DNAH14: variants seen among roughly 807,000 people sequenced by gnomAD.
DNAH14 encodes axonemal beta dynein heavy chain 14.
Under a neutral mutation model 520.9 loss-of-function variants are expected in DNAH14, and 478 were observed. The ratio of observed to expected loss-of-function variants is 0.92; its 90% CI spans 0.85 to 0.99. The LOEUF is 0.99. DNAH14 is among the 50% of genes least tolerant of loss of function. The probability of loss-of-function intolerance (pLI) is 0.00; values close to 1 mark genes in which losing one functional copy is unlikely to be tolerated. For missense variants in DNAH14, 4,831 were observed against 5,234.5 expected, an observed-to-expected ratio of 0.92 and a Z score of 2.38; for synonymous variants, 1,581 against 1,757.2, an observed-to-expected ratio of 0.90 and a Z score of 2.51.
At position 225,078,820 on chromosome 1, in the gene DNAH14, CTCT is replaced by C. The variant is rs1196446165; in HGVS notation, c.2425-386_2425-384del. ...TCTCTCTCTCTCTCTCTCTCTCTCTCTCTCCCTCTCTCTCTCTCTCTCCCTCTC... is the reference window on the plus strand; with the variant it reads ...TCTCTCTCTCTCTCTCTCTCTCTCTCCCCTCTCTCTCTCTCTCTCCCTCTC... On this transcript the variant is annotated intron_variant, in intron 17 of 85. Coordinates refer to ENST00000682510, the MANE Select transcript of DNAH14 (RefSeq NM_001367479.1). Among the ~76,000 whole-genome samples the C allele has an allele frequency of 4.0e-4, 28 of 69,594 alleles. No homozygotes were observed. In the East Asian group the frequency reaches 6.9e-3, roughly 17 times the overall value. 45.7% of individuals were successfully genotyped at this position (69,594 alleles called of 152,430 possible). A position where few individuals can be genotyped will look rare whatever the true frequency, so the allele number is the denominator to read the frequency against.
chr1:224,980,713 A>G (rs1376284818), intron 8 of DNAH14, among the ~76,000 whole-genome samples: 1 of 152,166 alleles, frequency 6.6e-6, no homozygotes, highest in Non-Finnish European at 1.5e-5. Context: ...CCAGAAGGAC[A>G]CAAGCCTGGC....
intron 43 of DNAH14, among the ~76,000 whole-genome samples, chr1:225,248,175 T>C (rs2092390131): frequency 6.6e-6 from 1 of 152,150 alleles, no homozygotes; most frequent in Non-Finnish European, 1.5e-5. Context: ...TTCGGACATA[T>C]GAAGACTGAA....
rs1244561107 is a variant in DNAH14, at chr1:225,377,379, T to G, written c.12659T>G (p.Phe4220Cys). 6.4e-7 allele frequency: 1 copy of G among 1,551,126 alleles called. No individual in the cohort carries two copies. The highest frequency in any genetic ancestry group is 8.7e-7 in the Non-Finnish European group (1 of 1,146,754). The change falls in exon 79 of 86, where the codon TTT (phenylalanine) becomes TGT (cysteine). Residue 4220 changes from phenylalanine (F) to cysteine (C), a missense_variant. Coordinates refer to ENST00000682510, the MANE Select transcript of DNAH14 (RefSeq NM_001367479.1). Reference protein sequence around the residue: ...RSCWETQGEKFIENLIAMQPK... With the variant: ...RSCWETQGEKCIENLIAMQPK... ...TGCTGGGAGACCCAGGGCGAAAAGT[T>G]TATTGAAAATCTGATTGCCATGCAA...
At chr1:225,143,454 T>G (rs892953743) in intron 28 of DNAH14, among the ~76,000 whole-genome samples, 1 of 152,186 alleles carries the variant, frequency 6.6e-6, no homozygotes, top group African/African-American at 2.4e-5. Flanking sequence ...TTTCCAGATT[T>G]CTTTATAATA....
At chr1:225,248,342 A>G (rs2092396777) in intron 43 of DNAH14, among the ~76,000 whole-genome samples, 1 of 152,224 alleles carries the variant, frequency 6.6e-6, no homozygotes, top group Non-Finnish European at 1.5e-5. Context: ...ACTATTGATT[A>G]TAAAGTAACT....
intron 49 of DNAH14, among the ~76,000 whole-genome samples, chr1:225,269,883 A>G (rs983244208): frequency 5.3e-5 from 8 of 152,316 alleles, no homozygotes; most frequent in Admixed American, 5.2e-4. Flanking sequence ...TGGGACGTAA[A>G]CTAGTTCAGC....
chr1:225,335,976 TATGTGTATATACACAC>T (rs2095030616), intron 66 of DNAH14, among the ~76,000 whole-genome samples: 1 of 146,032 alleles, frequency 6.8e-6, no homozygotes, highest in Admixed American at 6.8e-5. Context: ...TATATGTACA[TATGTGTATATACACAC>T]ATATGCATAT....
chr1:224,993,605 T>C (rs2063198125), intron 8 of DNAH14, among the ~76,000 whole-genome samples: 1 of 151,948 alleles, frequency 6.6e-6, no homozygotes, highest in South Asian at 2.1e-4. Flanking sequence ...TAAAGATTTG[T>C]CAATTTTATC....
At chr1:225,332,991 G>C (rs1303356852) in intron 65 of DNAH14, among the ~76,000 whole-genome samples, 1 of 152,034 alleles carries the variant, frequency 6.6e-6, no homozygotes, top group Non-Finnish European at 1.5e-5. Context: ...GCTACTAAGA[G>C]AAGACCCTGT....
intron 11 of DNAH14, among the ~76,000 whole-genome samples, chr1:225,032,505 A>G (rs182618354): frequency 2.9e-4 from 44 of 152,236 alleles, no homozygotes; most frequent in Admixed American, 5.2e-4. Context: ...GGTTGATTCC[A>G]TATCTTTGCT....
chr1:225,386,929 C>A (rs950701061), intron 81 of DNAH14, among the ~76,000 whole-genome samples: 12 of 152,206 alleles, frequency 7.9e-5, no homozygotes, highest in African/African-American at 2.9e-4. Context: ...TATAAAGACA[C>A]ATGCACACGT....
intron 8 of DNAH14, among the ~76,000 whole-genome samples, chr1:224,979,209 A>G (rs1226780906): frequency 1.3e-5 from 2 of 152,180 alleles, no homozygotes; most frequent in Non-Finnish European, 2.9e-5. Flanking sequence ...TTAACTTCAT[A>G]TTGCTGAAAG....
intron 41 of DNAH14, among the ~76,000 whole-genome samples, chr1:225,212,255 A>G (rs1574023751): frequency 6.6e-6 from 1 of 152,016 alleles, no homozygotes; most frequent in East Asian, 1.9e-4. Context: ...TTATGGCTGC[A>G]TAGTATTCCA....
intron 7 of DNAH14, chr1:224,969,969 T>C (rs1403519073): frequency 6.6e-6 from 1 of 151,952 alleles, no homozygotes; most frequent in African/African-American, 2.4e-5. Flanking sequence ...CAATATGAAA[T>C]CTGGGCACCT....
chr1:225,141,309 T>G (rs1388349092), intron 28 of DNAH14, among the ~76,000 whole-genome samples: 3 of 152,238 alleles, frequency 2.0e-5, no homozygotes, highest in Admixed American at 2.0e-4. Flanking sequence ...AATGTGAGTG[T>G]ATTTTTCTAC....
In DNAH14 at chr1:225,324,890, C is replaced by G. The variant is rs975339610; in HGVS notation, c.9723+58C>G. 7.0e-6 allele frequency: 9 copies of G among 1,287,520 alleles called. No individual in the cohort carries two copies. The East Asian group carries it at 2.3e-4, about 33-fold the overall frequency. The allele number at this position is 1,287,520 out of a possible 1,614,324, so 79.8% of individuals were successfully genotyped here. ...CAAAACACCAGGACAATGTAATTAT[C>G]TCAGGAGAGCTTATCAGTTTCAGAT... On this transcript the variant is annotated intron_variant, in intron 64 of 85. Coordinates refer to ENST00000682510, the MANE Select transcript of DNAH14 (RefSeq NM_001367479.1).
chr1:225,062,763 A>G (rs2070346643), intron 17 of DNAH14, among the ~76,000 whole-genome samples: 1 of 152,226 alleles, frequency 6.6e-6, no homozygotes, highest in Non-Finnish European at 1.5e-5. Flanking sequence ...TTAGCAATAG[A>G]GCTAACTATC....
intron 40 of DNAH14, among the ~76,000 whole-genome samples, chr1:225,206,761 T>C (rs912006952): frequency 6.6e-6 from 1 of 152,180 alleles, no homozygotes; most frequent in Non-Finnish European, 1.5e-5. Flanking sequence ...CCCAATTGTT[T>C]TCTTGTAAGA....
Position 225,207,075 on chromosome 1 carries a change from T to A in DNAH14, c.6294T>A (p.Asn2098Lys), listed in dbSNP as rs995847387. The change falls in exon 41 of 86, where the codon AAT becomes AAA. Residue 2098 changes from asparagine (N) to lysine (K), a missense_variant. Physicochemically the swap from Asn to Lys is moderately conservative, Grantham distance 94 (BLOSUM62 0). Coordinates refer to ENST00000682510, the MANE Select transcript of DNAH14 (RefSeq NM_001367479.1). Reference protein sequence around the residue: ...GVDCLEFMIKNSVTDGLQFIR... With the variant: ...GVDCLEFMIKKSVTDGLQFIR... ...ATTGTCTTGAATTCATGATTAAAAATAGTGTCACAGACGGACTACAATTTA... is the reference window on the plus strand; with the variant it reads ...ATTGTCTTGAATTCATGATTAAAAAAAGTGTCACAGACGGACTACAATTTA... The A allele has an allele frequency of 1.3e-6, 2 of 1,550,774 alleles. No homozygotes were observed. The highest frequency in any genetic ancestry group is 2.7e-5 in the African/African-American group (2 of 73,014).
Sources: gnomAD v4.1 joint callset for allele counts (sites outside exome capture counted in the v4.1 genomes callset) on GRCh38, gnomAD v4.1.1 for gene constraint, MANE v1.5 for transcripts, NCBI Gene and HGNC (gene_info 2026-07-23, HGNC 2026-07-21) for gene names.